Variants in TRHDE observed in about 807,000 individuals in gnomAD.
The protein encoded by TRHDE is thyrotropin-releasing hormone-degrading ectoenzyme.
TRHDE carries 72 observed loss-of-function variants against 125.7 expected under a neutral mutation model. That is an observed-to-expected ratio of 0.57 (90% CI 0.47 to 0.70). The LOEUF (loss-of-function observed/expected upper bound fraction) is 0.70, where lower values mean the gene tolerates loss of function less well. Among genes scored for constraint, TRHDE ranks in the 30% least tolerant of loss-of-function variants. TRHDE has a pLI of 0.00. For synonymous variants in TRHDE, 509 were observed against 509.1 expected (o/e 1.00, Z 0.00); for missense variants, 1,110 against 1,327.1 (o/e 0.84, Z 2.54).
chr12:72,587,360 A>G (rs1252918877), intron 12 of TRHDE, among the ~76,000 whole-genome samples: 1 of 152,114 alleles, frequency 6.6e-6, no homozygotes, highest in Non-Finnish European at 1.5e-5. Flanking sequence ...TTTTTGTTTC[A>G]ACAGATGCAA....
At chr12:72,478,760 C>T (rs1018788933) in intron 5 of TRHDE, among the ~76,000 whole-genome samples, 3 of 151,914 alleles carry the variant, frequency 2.0e-5, no homozygotes, top group Admixed American at 6.6e-5. Context: ...TGAGTATATG[C>T]TTGAGGAATC....
At chr12:72,327,192 A>T (rs556431670) in intron 2 of TRHDE, among the ~76,000 whole-genome samples, 1 of 152,068 alleles carries the variant, frequency 6.6e-6, no homozygotes, top group African/African-American at 2.4e-5. Flanking sequence ...GGGGGCATGG[A>T]GGTTGGAGAC....
chr12:72,113,698 T>A (rs114161094), intron 2 of TRHDE, among the ~76,000 whole-genome samples: 3,287 of 152,058 alleles, frequency 0.022, 134 homozygotes, highest in African/African-American at 0.076. Context: ...CCCTATTATT[T>A]AGAAAATTCC....
intron 12 of TRHDE, among the ~76,000 whole-genome samples, chr12:72,602,931 A>G (rs1592566027): frequency 6.6e-6 from 1 of 152,328 alleles, no homozygotes; most frequent in East Asian, 1.9e-4. Context: ...GATGGTATTT[A>G]AACATAAACC....
chr12:72,260,789 G>A (rs550876666), intron 2 of TRHDE, among the ~76,000 whole-genome samples: 83 of 152,260 alleles, frequency 5.5e-4, no homozygotes, highest in Non-Finnish European at 1.0e-3. Flanking sequence ...TTCGAAATAC[G>A]CGTATGAAGG....
chr12:72,363,016 T>A (rs1197145693), intron 2 of TRHDE, among the ~76,000 whole-genome samples: 1 of 152,070 alleles, frequency 6.6e-6, no homozygotes, highest in African/African-American at 2.4e-5. Context: ...CCAGCTTTGT[T>A]CTTTTGGCTT....
intron 6 of TRHDE, among the ~76,000 whole-genome samples, chr12:72,520,095 T>G (rs1358864366): frequency 1.3e-5 from 2 of 152,194 alleles, no homozygotes; most frequent in East Asian, 1.9e-4. Context: ...TGTCTTTTTG[T>G]TTGTCTGTGC....
intron 2 of TRHDE, among the ~76,000 whole-genome samples, chr12:72,187,425 G>A (rs2139346171): frequency 6.9e-6 from 1 of 145,560 alleles, no homozygotes; most frequent in East Asian, 2.2e-4. Context: ...AATTCAGTCT[G>A]ACTGAGGCCC....
chr12:72,526,879 C>T (rs926514506), intron 6 of TRHDE, among the ~76,000 whole-genome samples: 2 of 151,876 alleles, frequency 1.3e-5, no homozygotes, highest in Non-Finnish European at 2.9e-5. Flanking sequence ...TAAGAGTATT[C>T]GGGAAAATCA....
At chr12:72,569,027 A>C (rs1272913136) in intron 10 of TRHDE, among the ~76,000 whole-genome samples, 1 of 152,198 alleles carries the variant, frequency 6.6e-6, no homozygotes, top group African/African-American at 2.4e-5. Flanking sequence ...ACACTTTCCT[A>C]TCTTCTCTTT....
At chr12:72,649,712 T>A (rs1466313649) in intron 15 of TRHDE, among the ~76,000 whole-genome samples, 1 of 151,890 alleles carries the variant, frequency 6.6e-6, no homozygotes, top group African/African-American at 2.4e-5. Flanking sequence ...TTAATCCAAT[T>A]ACAAAAAGGG....
chr12:72,451,787 T>C (rs2135871062), intron 3 of TRHDE, among the ~76,000 whole-genome samples: 1 of 152,238 alleles, frequency 6.6e-6, no homozygotes, highest in Middle Eastern at 3.4e-3. Flanking sequence ...TATCTTTCCA[T>C]TTATTTGTGT....
At chr12:72,322,422 G>C (rs528481690) in intron 2 of TRHDE, among the ~76,000 whole-genome samples, 1 of 152,064 alleles carries the variant, frequency 6.6e-6, no homozygotes, top group Non-Finnish European at 1.5e-5. Flanking sequence ...AGAAAATAGC[G>C]TGTTAGATAA....
At chr12:72,217,733 T>A (rs952850673) in intron 2 of TRHDE, among the ~76,000 whole-genome samples, 2 of 152,084 alleles carry the variant, frequency 1.3e-5, no homozygotes, top group African/African-American at 2.4e-5. Context: ...ATATAATGAA[T>A]CAGAAACATG....
chr12:72,151,717 A>G (rs990482044), intron 2 of TRHDE, among the ~76,000 whole-genome samples: 1 of 152,036 alleles, frequency 6.6e-6, no homozygotes, highest in African/African-American at 2.4e-5. Context: ...GACATGTGGC[A>G]TTATTTCTGA....
At chr12:72,388,869 A>G (rs1258038807) in intron 3 of TRHDE, among the ~76,000 whole-genome samples, 1 of 151,436 alleles carries the variant, frequency 6.6e-6, no homozygotes, top group African/African-American at 2.4e-5. Context: ...CAATTGGAAA[A>G]TGAAATAAGT....
intron 2 of TRHDE, among the ~76,000 whole-genome samples, chr12:72,367,577 T>G (rs1565715037): frequency 6.6e-6 from 1 of 152,294 alleles, no homozygotes; most frequent in African/African-American, 2.4e-5. Flanking sequence ...TAAATAAGAC[T>G]AATACTCCTG....
intron 2 of TRHDE, among the ~76,000 whole-genome samples, chr12:72,202,313 AT>A (rs1259235544): frequency 1.3e-5 from 2 of 152,190 alleles, no homozygotes; most frequent in Non-Finnish European, 2.9e-5. Context: ...GTATTTATTC[AT>A]TTAGATGCCT....
chr12:72,275,330 A>G (rs1344348641), intron 1 of TRHDE, among the ~76,000 whole-genome samples: 1 of 152,242 alleles, frequency 6.6e-6, no homozygotes, highest in Non-Finnish European at 1.5e-5. Flanking sequence ...TATAAATAAA[A>G]TGCCCAATGC....
Sources: gnomAD v4.1 joint callset for allele counts (sites outside exome capture counted in the v4.1 genomes callset) on GRCh38, gnomAD v4.1.1 for gene constraint, MANE v1.5 for transcripts, NCBI Gene and HGNC (gene_info 2026-07-23, HGNC 2026-07-21) for gene names.